SNTG1: variants seen among roughly 807,000 people sequenced by gnomAD.
SNTG1 encodes gamma-1-syntrophin.
SNTG1 carries 39 observed loss-of-function variants against 74.7 expected under a neutral mutation model. The observed-to-expected ratio is 0.52, with a 90% confidence interval of 0.40 to 0.68. The LOEUF (loss-of-function observed/expected upper bound fraction) is 0.68, where lower values mean the gene tolerates loss of function less well. SNTG1 is among the 30% of genes least tolerant of loss of function. SNTG1 has a pLI of 0.00. For synonymous variants in SNTG1, 254 were observed against 217.1 expected, an observed-to-expected ratio of 1.17 and a Z score of -1.49; for missense variants, 685 against 609.5, an observed-to-expected ratio of 1.12 and a Z score of -1.30.
intron 13 of SNTG1, among the ~76,000 whole-genome samples, chr8:50,602,360 T>C (rs1403756341): frequency 6.6e-6 from 1 of 152,146 alleles, no homozygotes; most frequent in East Asian, 1.9e-4. Flanking sequence ...TAATGACAAC[T>C]TAAAAATTGT....
chr8:50,655,397 G>C (rs1313002600), intron 13 of SNTG1, among the ~76,000 whole-genome samples: 1 of 152,108 alleles, frequency 6.6e-6, no homozygotes, highest in Admixed American at 6.6e-5. Flanking sequence ...AGTTATTATA[G>C]CTGGTTCTTA....
At chr8:50,137,193 T>C (rs2081502225) in intron 1 of SNTG1, among the ~76,000 whole-genome samples, 1 of 152,160 alleles carries the variant, frequency 6.6e-6, no homozygotes, top group African/African-American at 2.4e-5. Context: ...ATGGAGTGTA[T>C]TTGGTGAGAT....
At chr8:50,543,618 G>A (rs758556643) in intron 11 of SNTG1, among the ~76,000 whole-genome samples, 22 of 151,910 alleles carry the variant, frequency 1.4e-4, no homozygotes, top group Non-Finnish European at 2.2e-4. Context: ...GGTTGCTTCC[G>A]GTTTTTGATT....
chr8:50,014,426 A>G (rs2130608884), intron 1 of SNTG1, among the ~76,000 whole-genome samples: 1 of 133,312 alleles, frequency 7.5e-6, no homozygotes, highest in East Asian at 2.3e-4. Flanking sequence ...CCTGGCTGAG[A>G]ATTTAAAAGG....
intron 2 of SNTG1, among the ~76,000 whole-genome samples, chr8:50,224,519 ATATC>A (rs2085231924): frequency 6.6e-6 from 1 of 152,212 alleles, no homozygotes; most frequent in African/African-American, 2.4e-5. Context: ...ACCTTTCTTC[ATATC>A]TATTCTCCTC....
chr8:50,403,210 A>G (rs186737645), intron 4 of SNTG1, among the ~76,000 whole-genome samples: 5 of 152,314 alleles, frequency 3.3e-5, no homozygotes, highest in Admixed American at 6.5e-5. Context: ...TTTAATTTGT[A>G]CCTTATTAAC....
intron 2 of SNTG1, among the ~76,000 whole-genome samples, chr8:50,347,384 TAAAAC>T (rs753498424): frequency 2.5e-4 from 38 of 152,284 alleles, no homozygotes; most frequent in African/African-American, 4.6e-4. Context: ...TGCTCAAAAA[TAAAAC>T]AAAACAAAAC....
intron 2 of SNTG1, among the ~76,000 whole-genome samples, chr8:50,260,333 C>T (rs955926836): frequency 5.9e-5 from 9 of 152,220 alleles, no homozygotes; most frequent in Middle Eastern, 3.4e-3. Context: ...TTCTGTCTCA[C>T]CAAAGCAGAG....
At chr8:50,313,555 T>A (rs1021077532) in intron 2 of SNTG1, among the ~76,000 whole-genome samples, 2 of 149,378 alleles carry the variant, frequency 1.3e-5, no homozygotes, top group African/African-American at 5.0e-5. Flanking sequence ...AAAGAAAAAA[T>A]GTGCAACATC....
intron 1 of SNTG1, among the ~76,000 whole-genome samples, chr8:50,158,893 T>C (rs1040274847): frequency 2.6e-5 from 4 of 152,186 alleles, no homozygotes; most frequent in Non-Finnish European, 5.9e-5. Context: ...CTTTAATAAA[T>C]AATACTAGAC....
At chr8:50,251,622 G>A (rs1050081827) in intron 2 of SNTG1, among the ~76,000 whole-genome samples, 1 of 151,560 alleles carries the variant, frequency 6.6e-6, no homozygotes, top group African/African-American at 2.4e-5. Context: ...ACTCAGAAAA[G>A]ACAAAGGATA....
At chr8:50,647,156 T>C (rs1194977369) in intron 13 of SNTG1, among the ~76,000 whole-genome samples, 1 of 152,156 alleles carries the variant, frequency 6.6e-6, no homozygotes, top group Admixed American at 6.6e-5. Context: ...GGTATGGTGA[T>C]GACTTCTCAG....
intron 1 of SNTG1, among the ~76,000 whole-genome samples, chr8:50,094,120 G>A (rs2079842588): frequency 6.6e-6 from 1 of 152,020 alleles, no homozygotes; most frequent in Non-Finnish European, 1.5e-5. Flanking sequence ...TGTGTGTTTG[G>A]GAGTGTGCAG....
chr8:50,465,291 A>G (rs1330724392), intron 8 of SNTG1, among the ~76,000 whole-genome samples: 2 of 152,136 alleles, frequency 1.3e-5, no homozygotes, highest in Non-Finnish European at 2.9e-5. Flanking sequence ...CCACTCCACA[A>G]TGGGAAACAA....
intron 2 of SNTG1, among the ~76,000 whole-genome samples, chr8:50,355,714 T>C (rs1184514423): frequency 6.6e-6 from 1 of 152,220 alleles, no homozygotes; most frequent in Non-Finnish European, 1.5e-5. Context: ...AAGAATCAGC[T>C]GTGGGATTTG....
At chr8:50,453,082 C>A (rs534344391) in intron 8 of SNTG1, among the ~76,000 whole-genome samples, 1 of 152,298 alleles carries the variant, frequency 6.6e-6, no homozygotes, top group Non-Finnish European at 1.5e-5. Context: ...TATACCTACT[C>A]TATTCCTTGA....
intron 8 of SNTG1, among the ~76,000 whole-genome samples, chr8:50,467,056 T>C (rs979680832): frequency 6.6e-6 from 1 of 151,988 alleles, no homozygotes; most frequent in Non-Finnish European, 1.5e-5. Context: ...TTATACATTA[T>C]TCAGTTTGAT....
intron 15 of SNTG1, among the ~76,000 whole-genome samples, chr8:50,662,772 T>A (rs1482742483): frequency 6.6e-6 from 1 of 151,172 alleles, no homozygotes; most frequent in Non-Finnish European, 1.5e-5. Context: ...CCTTTATGAG[T>A]GTATTGGGCA....
intron 2 of SNTG1, among the ~76,000 whole-genome samples, chr8:50,364,737 A>G (rs1351319167): frequency 1.3e-5 from 2 of 152,018 alleles, no homozygotes; most frequent in African/African-American, 4.8e-5. Flanking sequence ...AAATATTTAA[A>G]AATACATTAT....
Sources: gnomAD v4.1 joint callset for allele counts (sites outside exome capture counted in the v4.1 genomes callset) on GRCh38, gnomAD v4.1.1 for gene constraint, MANE v1.5 for transcripts, NCBI Gene and HGNC (gene_info 2026-07-23, HGNC 2026-07-21) for gene names.